The following UBAP1 variants were observed in gnomAD, a reference collection of about 807,000 sequenced individuals.
UBAP1 encodes ubiquitin-associated protein 1.
UBAP1 carries 5 observed loss-of-function variants against 39.0 expected under a neutral mutation model. The ratio of observed to expected loss-of-function variants is 0.13; its 90% CI spans 0.07 to 0.27. The LOEUF is 0.27. Among genes scored for constraint, UBAP1 ranks in the 10% least tolerant of loss-of-function variants. The pLI is 1.00. For missense variants in UBAP1, 490 were observed against 608.1 expected, an observed-to-expected ratio of 0.81 and a Z score of 2.04; for synonymous variants, 211 against 225.1, an observed-to-expected ratio of 0.94 and a Z score of 0.56.
chr9:34,221,930 A>C (rs1053350461), intron 2 of UBAP1, among the ~76,000 whole-genome samples: 8 of 152,066 alleles, frequency 5.3e-5, no homozygotes, highest in African/African-American at 1.9e-4. Flanking sequence ...CAAGTAACAC[A>C]ATTATTTTAA....
At chr9:34,241,074 TG>T (rs770330149) in intron 3 of UBAP1, 110 bp from the exon 4 acceptor site, 7 of 732,864 alleles carry the variant, frequency 9.6e-6, no homozygotes, top group Non-Finnish European at 1.0e-5. Flanking sequence ...CCTTAAATGC[TG>T]CCTTGTCCGG....
chr9:34,201,339 G>A (rs1831357190), intron 1 of UBAP1: 1 of 152,202 alleles, frequency 6.6e-6, no homozygotes, highest in African/African-American at 2.4e-5. Context: ...AAGTCAGGAA[G>A]TTCGAGACCA....
intron 1 of UBAP1, among the ~76,000 whole-genome samples, chr9:34,216,050 C>T (rs749051932): frequency 2.2e-4 from 34 of 152,052 alleles, no homozygotes; most frequent in South Asian, 6.2e-4. Context: ...TTTTCATTTA[C>T]TATTCCTTGT....
chr9:34,182,621 TTC>T (rs1219059377), intron 1 of UBAP1, among the ~76,000 whole-genome samples: 8 of 22,166 alleles, frequency 3.6e-4, no homozygotes, highest in African/African-American at 1.4e-3. Flanking sequence ...CTTTCCTTCT[TTC>T]TTTCTTTCTT....
At chr9:34,182,745 C>T (rs1401760393) in intron 1 of UBAP1, among the ~76,000 whole-genome samples, 2 of 150,046 alleles carry the variant, frequency 1.3e-5, no homozygotes, top group Non-Finnish European at 3.0e-5. Flanking sequence ...TCTTTTCACT[C>T]AGTCGCCCAG....
chr9:34,215,276 AGT>A (rs889510369), intron 1 of UBAP1, among the ~76,000 whole-genome samples: 40 of 151,540 alleles, frequency 2.6e-4, no homozygotes, highest in African/African-American at 6.3e-4. Flanking sequence ...TATATATGAT[AGT>A]GTGTGTGTGT....
At chr9:34,243,304 AAACT>A (rs1834054021) in intron 4 of UBAP1, among the ~76,000 whole-genome samples, 1 of 152,152 alleles carries the variant, frequency 6.6e-6, no homozygotes, top group Non-Finnish European at 1.5e-5. Flanking sequence ...CAAAGCCAAT[AAACT>A]AACAGCAGAG....
At chr9:34,206,954 A>G (rs1831730221) in intron 1 of UBAP1, among the ~76,000 whole-genome samples, 1 of 149,426 alleles carries the variant, frequency 6.7e-6, no homozygotes, top group African/African-American at 2.5e-5. Flanking sequence ...AGCTTTCAGT[A>G]TTGTATCTTC....
intron 1 of UBAP1, among the ~76,000 whole-genome samples, chr9:34,191,116 A>G (rs1469340107): frequency 6.6e-6 from 1 of 152,154 alleles, no homozygotes; most frequent in Non-Finnish European, 1.5e-5. Context: ...GACAGTGGAG[A>G]TATAAAACAT....
intron 1 of UBAP1, among the ~76,000 whole-genome samples, chr9:34,206,579 A>AC (rs1307925812): frequency 1.3e-5 from 2 of 151,336 alleles, no homozygotes; most frequent in African/African-American, 4.9e-5. Context: ...CAGCATCTTG[A>AC]CTTAAAAAAA....
chr9:34,181,695 G>A (rs1265579352), intron 1 of UBAP1, among the ~76,000 whole-genome samples: 1 of 146,300 alleles, frequency 6.8e-6, no homozygotes, highest in Non-Finnish European at 1.5e-5. Context: ...GCCTCCCAAA[G>A]TGCTGGGATT....
chr9:34,182,200 A>ATTTATTTATTTAT (rs58102579), intron 1 of UBAP1, among the ~76,000 whole-genome samples: 2 of 100,520 alleles, frequency 2.0e-5, no homozygotes, highest in African/African-American at 6.3e-5. Flanking sequence ...TTATTTATTT[A>ATTTATTTATTTAT]TTGAGACTGA....
intron 3 of UBAP1, among the ~76,000 whole-genome samples, chr9:34,237,488 TCA>T (rs1159314466): frequency 6.6e-6 from 1 of 152,170 alleles, no homozygotes; most frequent in Non-Finnish European, 1.5e-5. Flanking sequence ...TGAGGGAACT[TCA>T]GTTACTTTTG....
intron 1 of UBAP1, among the ~76,000 whole-genome samples, chr9:34,205,091 A>T (rs1831611144): frequency 1.3e-5 from 2 of 152,028 alleles, no homozygotes; most frequent in Non-Finnish European, 2.9e-5. Flanking sequence ...ATCACTGTTC[A>T]CTGCAGCTTC....
intron 3 of UBAP1, among the ~76,000 whole-genome samples, chr9:34,240,264 G>A (rs761364198): frequency 9.9e-5 from 15 of 152,118 alleles, no homozygotes; most frequent in Non-Finnish European, 2.1e-4. Context: ...GCCTTTCTAG[G>A]CTTCTCTTTT....
intron 2 of UBAP1, among the ~76,000 whole-genome samples, chr9:34,232,082 C>T (rs944122428): frequency 3.4e-4 from 51 of 152,064 alleles, no homozygotes; most frequent in African/African-American, 1.2e-3. Context: ...GCACCTTCCG[C>T]CTCCTAGGTT....
At chr9:34,250,601 T>C (rs1834437252) in intron 5 of UBAP1, 57 bp from the exon 6 acceptor site, 3 of 1,451,000 alleles carry the variant, frequency 2.1e-6, no homozygotes, top group Non-Finnish European at 2.9e-6. Flanking sequence ...TTGAGGTCTC[T>C]TGGAAAGCAC....
chr9:34,197,691 A>T (rs1831143246), intron 1 of UBAP1, among the ~76,000 whole-genome samples: 1 of 152,072 alleles, frequency 6.6e-6, no homozygotes, highest in South Asian at 2.1e-4. Flanking sequence ...CTGGGGTTAC[A>T]AGCATGTGCT....
chr9:34,237,535 A>T (rs1833763830), intron 3 of UBAP1, among the ~76,000 whole-genome samples: 1 of 152,168 alleles, frequency 6.6e-6, no homozygotes, highest in Admixed American at 6.6e-5. Context: ...TATAATTCAC[A>T]TACCATGAAA....
Sources: gnomAD v4.1 joint callset for allele counts (sites outside exome capture counted in the v4.1 genomes callset) on GRCh38, gnomAD v4.1.1 for gene constraint, MANE v1.5 for transcripts, NCBI Gene and HGNC (gene_info 2026-07-23, HGNC 2026-07-21) for gene names.